The following PCDHAC1 variants were observed in gnomAD, a reference collection of about 807,000 sequenced individuals.
The protein encoded by PCDHAC1 is protocadherin alpha subfamily C, 1.
Under a neutral mutation model 60.0 loss-of-function variants are expected in PCDHAC1, and 42 were observed. The observed-to-expected ratio is 0.70, with a 90% confidence interval of 0.55 to 0.90. The LOEUF is 0.90. PCDHAC1 is among the 40% of genes least tolerant of loss of function. The probability of loss-of-function intolerance (pLI) is 0.00; values close to 1 mark genes in which losing one functional copy is unlikely to be tolerated. For missense variants in PCDHAC1, 1,160 were observed against 1,222.3 expected (o/e 0.95, Z 0.76); for synonymous variants, 468 against 499.3 (o/e 0.94, Z 0.84).
At chr5:140,980,189 A>T (rs2096879459) in intron 2 of PCDHAC1, among the ~76,000 whole-genome samples, 1 of 152,226 alleles carries the variant, frequency 6.6e-6, no homozygotes, top group African/African-American at 2.4e-5. Context: ...CTTTATATTT[A>T]TTAGAGACCA....
intron 1 of PCDHAC1, 155 bp downstream of exon 1, chr5:140,929,480 G>T: frequency 8.4e-7 from 1 of 1,195,420 alleles, no homozygotes; most frequent in Non-Finnish European, 1.1e-6. Flanking sequence ...TGGAAGTATA[G>T]AAGTATTAGA....
intron 1 of PCDHAC1, among the ~76,000 whole-genome samples, chr5:140,933,649 T>G (rs1259214104): frequency 6.6e-6 from 1 of 152,058 alleles, no homozygotes; most frequent in Non-Finnish European, 1.5e-5. Flanking sequence ...AAGTTGGAAA[T>G]CCTGTCTCTC....
intron 1 of PCDHAC1, among the ~76,000 whole-genome samples, chr5:140,954,197 G>T (rs2153701837): frequency 6.6e-6 from 1 of 152,270 alleles, no homozygotes; most frequent in Non-Finnish European, 1.5e-5. Context: ...ATGGGCATTT[G>T]GGTTGATCCC....
At position 141,010,044 on chromosome 5, in the gene PCDHAC1, G is replaced by C; in HGVS notation, c.*107G>C. Reference sequence around the variant, plus strand: ...TTTCCTATCTACATGAGCCCTCTTAGAGACCTCAGAAATCTGCAGAAAGTT... The same window carrying C: ...TTTCCTATCTACATGAGCCCTCTTACAGACCTCAGAAATCTGCAGAAAGTT... On this transcript the variant is annotated 3_prime_UTR_variant, in exon 4 of 4. Coordinates refer to ENST00000253807, the MANE Select transcript of PCDHAC1 (RefSeq NM_018898.5). 1.3e-6 allele frequency: 2 copies of C among 1,594,604 alleles called. No individual in the cohort carries two copies. Among genetic ancestry groups the C allele is most frequent in the Non-Finnish European group, 1.7e-6 (2 of 1,171,226 alleles).
At chr5:140,935,996 G>C (rs145363850) in intron 1 of PCDHAC1, among the ~76,000 whole-genome samples, 1,644 of 150,942 alleles carry the variant, frequency 0.011, 22 homozygotes, top group African/African-American at 0.037. Flanking sequence ...GGGTTCAAGC[G>C]ATTCTCCCAC....
chr5:140,947,020 G>A (rs782772876), intron 1 of PCDHAC1, among the ~76,000 whole-genome samples: 3 of 151,616 alleles, frequency 2.0e-5, no homozygotes, highest in Non-Finnish European at 4.4e-5. Flanking sequence ...AATGTTTGAG[G>A]TAATGGATAT....
chr5:140,982,596 G>A, intron 3 of PCDHAC1, 33 bp downstream of exon 3: 2 of 1,609,850 alleles, frequency 1.2e-6, no homozygotes, highest in South Asian at 2.2e-5. Flanking sequence ...TTCTTTCTTG[G>A]TTTCTGGAAA....
Position 140,929,160 on chromosome 5 carries a change from T to G in PCDHAC1, c.2268T>G (p.Tyr756Ter). ...AGAGACTTTCTCAGACTTATCTCTA[T>G]CGGGCCTCTCTGGGACTTGGTTCTG... is the stretch of plus-strand genomic sequence containing the variant. ...TVERLSQTYL[Y>*]RASLGLGSDN... The change falls in exon 1 of 4, where the codon TAT becomes TAG. Residue 756 changes from tyrosine to a stop codon, truncating the protein, a stop_gained. Transcript: ENST00000253807. LOFTEE classifies it high-confidence loss of function. The G allele has an allele frequency of 6.2e-7, 1 of 1,614,130 alleles. No homozygotes were observed. The highest frequency in any genetic ancestry group is 2.2e-5 in the East Asian group (1 of 44,884).
rs1554206680 is a variant in PCDHAC1, at chr5:140,929,101, A to G, written c.2209A>G (p.Met737Val). 1.9e-6 allele frequency: 3 copies of G among 1,614,242 alleles called. No individual in the cohort carries two copies. The highest frequency in any genetic ancestry group is 1.7e-5 in the Admixed American group (1 of 60,030). ...YGSKMVSNPC[M>V]TSATIDVTTV... is the part of the protein sequence containing the mutation. ...AAGTAAGATGGTTTCAAATCCTTGC[A>G]TGACATCAGCCACCATAGATGTCAC... The change falls in exon 1 of 4, where the codon ATG (methionine) becomes GTG (valine). Residue 737 changes from methionine to valine, a missense_variant. This residue lies in a region of PCDHAC1 where 1,113 missense variants were observed against 1,163.7 expected (regional missense o/e 0.96). Coordinates refer to ENST00000253807, the MANE Select transcript of PCDHAC1 (RefSeq NM_018898.5).
At position 141,010,553 on chromosome 5, in the gene PCDHAC1, C is replaced by T; in HGVS notation, c.*616C>T. ...CCACCCTCTAGGAGACAAAACTACC[C>T]CCACTGACAAGGCTTTAGGAGACCC... is the stretch of plus-strand genomic sequence containing the variant. On this transcript the variant is annotated 3_prime_UTR_variant, in exon 4 of 4. Transcript: ENST00000253807. The T allele has an allele frequency of 6.2e-6, 2 of 323,850 alleles. No homozygotes were observed. The highest frequency in any genetic ancestry group is 1.1e-5 in the Non-Finnish European group (2 of 176,368). 20.1% of individuals were successfully genotyped at this position (323,850 alleles called of 1,614,324 possible). A position where few individuals can be genotyped will look rare whatever the true frequency, so the allele number is the denominator to read the frequency against.
At chr5:140,972,749 C>T (rs6899060) in intron 1 of PCDHAC1, among the ~76,000 whole-genome samples, 3,772 of 151,356 alleles carry the variant, frequency 0.025, 151 homozygotes, top group African/African-American at 0.085. Flanking sequence ...CTGCAACCTC[C>T]GCCTCCCAAG....
In PCDHAC1 at chr5:141,002,285, A is replaced by C. The variant is rs2098070605; in HGVS notation, c.2582-7342A>C. On this transcript the variant is annotated intron_variant, in intron 3 of 3. Coordinates refer to ENST00000253807, the MANE Select transcript of PCDHAC1 (RefSeq NM_018898.5). ...CCCAGAGCTGGTAACAAAGGGATGA[A>C]TGGGGAGCAAAGGGGCGGGGCCGAA... 4.6e-5 allele frequency among the ~76,000 whole-genome samples: 7 copies of C among 152,158 alleles called. No individual in the cohort carries two copies. In the South Asian group the frequency reaches 1.4e-3, roughly 31 times the overall value.
At chr5:140,980,279 AAAAGTACC>A (rs1554241598) in intron 2 of PCDHAC1, among the ~76,000 whole-genome samples, 2 of 152,236 alleles carry the variant, frequency 1.3e-5, no homozygotes, top group African/African-American at 4.8e-5. Flanking sequence ...CCAACTCTTG[AAAAGTACC>A]AAAGCTATGA....
intron 3 of PCDHAC1, among the ~76,000 whole-genome samples, chr5:140,992,722 C>T (rs1455058842): frequency 1.3e-5 from 2 of 152,154 alleles, no homozygotes; most frequent in Non-Finnish European, 2.9e-5. Context: ...ATTCGTAAAT[C>T]CCACCTGCTT....
At chr5:140,967,768 T>C in intron 1 of PCDHAC1, 4 of 1,614,182 alleles carry the variant, frequency 2.5e-6, no homozygotes, top group African/African-American at 1.3e-5. Flanking sequence ...ACCAGATCTA[T>C]GTGCAGGCGA....
chr5:140,943,274 A>AAAAG (rs1349019397), intron 1 of PCDHAC1, among the ~76,000 whole-genome samples: 1 of 141,284 alleles, frequency 7.1e-6, no homozygotes, highest in Admixed American at 7.3e-5. Context: ...AAAAAAAAAA[A>AAAAG]AAAGAAAGAA....
At chr5:140,985,459 C>A (rs1587084925) in intron 3 of PCDHAC1, among the ~76,000 whole-genome samples, 1 of 152,236 alleles carries the variant, frequency 6.6e-6, no homozygotes, top group East Asian at 1.9e-4. Flanking sequence ...GGGAAATGCT[C>A]CAAAAAATTT....
Position 140,928,501 on chromosome 5 carries a change from G to A in PCDHAC1, c.1609G>A (p.Ala537Thr). 6.2e-7 allele frequency: 1 copy of A among 1,614,184 alleles called. No homozygotes were observed. The part of the protein sequence containing the change: ...GRDGGIPPRS[A>T]TVTINLFVVD... The stretch of plus-strand genomic sequence containing the variant: ...GGATGGTGGCATTCCTCCCAGAAGT[G>A]CAACAGTGACTATAAACTTGTTTGT... The change falls in exon 1 of 4, where the codon GCA (alanine) becomes ACA (threonine). Residue 537 changes from alanine (A) to threonine (T), a missense_variant. By Grantham distance (58) the Ala-to-Thr change is moderately conservative. This residue lies in a region of PCDHAC1 where 1,113 missense variants were observed against 1,163.7 expected (regional missense o/e 0.96). Coordinates refer to ENST00000253807, the MANE Select transcript of PCDHAC1 (RefSeq NM_018898.5).
In PCDHAC1 at chr5:141,005,148, G is replaced by T. The variant is rs528805353; in HGVS notation, c.2582-4479G>T. The stretch of plus-strand genomic sequence containing the variant: ...AAGTGCCTCATTGGAGAGTTGTTTG[G>T]TCTGCTAAAGAGTGGGTACCACTTT... On this transcript the variant is annotated intron_variant, in intron 3 of 3. Transcript: ENST00000253807. 3.3e-5 allele frequency among the ~76,000 whole-genome samples: 5 copies of T among 152,328 alleles called. No individual in the cohort carries two copies. The South Asian group carries it at 1.0e-3, about 32-fold the overall frequency.
Sources: allele counts gnomAD v4.1 joint callset (sites outside exome capture counted in the v4.1 genomes callset), GRCh38; gene constraint gnomAD v4.1.1; regional missense constraint gnomAD v4.1.1; transcripts MANE v1.5; gene names NCBI Gene and HGNC (gene_info 2026-07-23, HGNC 2026-07-21).